KCTD16: variants seen among roughly 807,000 people sequenced by gnomAD.
KCTD16 encodes the protein potassium channel tetramerization domain containing 16.
Under a neutral mutation model 33.2 loss-of-function variants are expected in KCTD16, and 13 were observed. The observed-to-expected ratio is 0.39, with a 90% CI of 0.25 to 0.62. KCTD16 has a LOEUF of 0.62. KCTD16 is among the 20% of genes least tolerant of loss of function. The pLI, the probability that KCTD16 is intolerant of heterozygous loss-of-function variation, is 0.50. For missense variants in KCTD16, 441 were observed against 525.1 expected (o/e 0.84, Z 1.57); for synonymous variants, 197 against 195.3 (o/e 1.01, Z -0.07).
chr5:144,406,198 C>G (rs1752805627), intron 3 of KCTD16, among the ~76,000 whole-genome samples: 1 of 152,130 alleles, frequency 6.6e-6, no homozygotes, highest in Non-Finnish European at 1.5e-5. Flanking sequence ...AAAGGCAGCC[C>G]ACAGCAAGCA....
At chr5:144,307,387 G>C (rs910893556) in intron 3 of KCTD16, among the ~76,000 whole-genome samples, 1 of 152,142 alleles carries the variant, frequency 6.6e-6, no homozygotes, top group Non-Finnish European at 1.5e-5. Context: ...AACTTCTTGA[G>C]GACTGAGACA....
chr5:144,341,332 T>C (rs1193741562), intron 3 of KCTD16, among the ~76,000 whole-genome samples: 1 of 152,160 alleles, frequency 6.6e-6, no homozygotes, highest in African/African-American at 2.4e-5. Flanking sequence ...CCTTGCTCAC[T>C]TGGGGAGAAA....
At chr5:144,422,670 G>A (rs1753237119) in intron 3 of KCTD16, among the ~76,000 whole-genome samples, 1 of 152,110 alleles carries the variant, frequency 6.6e-6, no homozygotes, top group Non-Finnish European at 1.5e-5. Context: ...TAATGAAAGA[G>A]TAAAGAAATG....
At chr5:144,320,094 T>G (rs1223508329) in intron 3 of KCTD16, among the ~76,000 whole-genome samples, 4 of 152,150 alleles carry the variant, frequency 2.6e-5, no homozygotes, top group African/African-American at 9.6e-5. Context: ...AAATATTGAT[T>G]AAGTCTCACA....
At chr5:144,256,739 G>A (rs1391493928) in intron 3 of KCTD16, among the ~76,000 whole-genome samples, 1 of 151,930 alleles carries the variant, frequency 6.6e-6, no homozygotes, top group African/African-American at 2.4e-5. Context: ...ACCAAAATGG[G>A]AAGTTTGGGA....
Position 144,474,270 on chromosome 5 carries a change from C to T in KCTD16, c.*156C>T. 1.6e-6 allele frequency: 1 copy of T among 609,364 alleles called. No individual in the cohort carries two copies. Among genetic ancestry groups the T allele is most frequent in the East Asian group, 2.8e-5 (1 of 35,418 alleles). 37.7% of individuals were successfully genotyped at this position (609,364 alleles called of 1,614,324 possible). ...ATACTACTGCCTACTTTACCTAGTT[C>T]ACCTTAACATGTAAATCCACAGGGT... On this transcript the variant is annotated 3_prime_UTR_variant, in exon 4 of 4. Coordinates refer to ENST00000512467, the MANE Select transcript of KCTD16 (RefSeq NM_020768.4).
chr5:144,275,554 C>T (rs1017246720), intron 3 of KCTD16, among the ~76,000 whole-genome samples: 4 of 152,206 alleles, frequency 2.6e-5, no homozygotes, highest in African/African-American at 9.7e-5. Flanking sequence ...GGCAACAACA[C>T]AAGTGAACGC....
chr5:144,305,440 G>T (rs976973675), intron 3 of KCTD16, among the ~76,000 whole-genome samples: 1 of 152,128 alleles, frequency 6.6e-6, no homozygotes, highest in African/African-American at 2.4e-5. Flanking sequence ...CAATCTGACT[G>T]GTGTCTTTAT....
chr5:144,440,734 T>A (rs372612903), intron 3 of KCTD16, among the ~76,000 whole-genome samples: 8 of 152,212 alleles, frequency 5.3e-5, no homozygotes, highest in South Asian at 2.1e-4. Flanking sequence ...ATGTTGAGTT[T>A]TTTTATTTTA....
intron 3 of KCTD16, among the ~76,000 whole-genome samples, chr5:144,464,205 A>G (rs928349522): frequency 3.4e-4 from 51 of 152,202 alleles, no homozygotes; most frequent in African/African-American, 1.1e-3. Flanking sequence ...TTTCTGGAGC[A>G]TTACAATATA....
rs368578231 is a variant in KCTD16, at chr5:144,176,387, C to CT, written c.-327+1941dup. On this transcript the variant is annotated intron_variant, in intron 2 of 3. Transcript: ENST00000512467. ...AACAATTTTTAAAGATATAGTGTTT[C>CT]TTTTTTTTTTTTTTTTTTTTTTTTT... Among the ~76,000 whole-genome samples, 673 of 106,652 alleles carry CT rather than the reference C, an allele frequency of 6.3e-3. 30 individuals carry two copies. Among genetic ancestry groups the CT allele is most frequent in the Admixed American group, 0.02 (183 of 9,266 alleles). 70.0% of individuals were successfully genotyped at this position (106,652 alleles called of 152,430 possible).
intron 3 of KCTD16, among the ~76,000 whole-genome samples, chr5:144,444,942 C>A (rs1753788865): frequency 6.7e-6 from 1 of 148,656 alleles, no homozygotes. Flanking sequence ...TTACATAATG[C>A]TATATAGTAT....
At chr5:144,363,866 T>C (rs1220929910) in intron 3 of KCTD16, among the ~76,000 whole-genome samples, 1 of 152,190 alleles carries the variant, frequency 6.6e-6, no homozygotes, top group Non-Finnish European at 1.5e-5. Context: ...CTGCAACTAG[T>C]GGTACTGCTG....
chr5:144,267,033 C>T (rs977008757), intron 3 of KCTD16, among the ~76,000 whole-genome samples: 1 of 152,132 alleles, frequency 6.6e-6, no homozygotes, highest in Non-Finnish European at 1.5e-5. Flanking sequence ...ACATACCTTG[C>T]ATGCAGTAAT....
intron 3 of KCTD16, among the ~76,000 whole-genome samples, chr5:144,420,111 C>T (rs893862839): frequency 1.3e-5 from 2 of 152,100 alleles, no homozygotes; most frequent in Middle Eastern, 3.2e-3. Flanking sequence ...GATAAATTCC[C>T]TTCCTCATGG....
At chr5:144,366,107 C>T (rs1468414052) in intron 3 of KCTD16, among the ~76,000 whole-genome samples, 1 of 152,098 alleles carries the variant, frequency 6.6e-6, no homozygotes, top group African/African-American at 2.4e-5. Context: ...TACACTCATA[C>T]ATATGTACAT....
chr5:144,282,293 G>A (rs1382850776), intron 3 of KCTD16, among the ~76,000 whole-genome samples: 1 of 152,182 alleles, frequency 6.6e-6, no homozygotes, highest in Non-Finnish European at 1.5e-5. Context: ...AAACATGGGA[G>A]ATTCTTGGAG....
intron 3 of KCTD16, among the ~76,000 whole-genome samples, chr5:144,301,155 CCCTTGAA>C (rs879471525): frequency 4.6e-5 from 7 of 150,590 alleles, no homozygotes; most frequent in Admixed American, 2.0e-4. Context: ...GCAGGAGAAT[CCCTTGAA>C]CCTGGGAGGT....
At chr5:144,401,235 A>T (rs1752696934) in intron 3 of KCTD16, among the ~76,000 whole-genome samples, 1 of 152,200 alleles carries the variant, frequency 6.6e-6, no homozygotes, top group African/African-American at 2.4e-5. Flanking sequence ...TTAATTAACT[A>T]AATTACAGCA....
Sources: gnomAD v4.1 joint callset for allele counts (sites outside exome capture counted in the v4.1 genomes callset) on GRCh38, gnomAD v4.1.1 for gene constraint, MANE v1.5 for transcripts, NCBI Gene and HGNC (gene_info 2026-07-23, HGNC 2026-07-21) for gene names.